Variants in GMPS observed in about 807,000 individuals in gnomAD.
GMPS encodes the protein GMP synthase [glutamine-hydrolyzing].
GMPS carries 15 observed loss-of-function variants against 77.9 expected under a neutral mutation model. That is an observed-to-expected ratio of 0.19 (90% confidence interval 0.13 to 0.30). The LOEUF is 0.30. Among genes scored for constraint, GMPS ranks in the 10% least tolerant of loss-of-function variants. The pLI, the probability that GMPS is intolerant of heterozygous loss-of-function variation, is 1.00. For synonymous variants in GMPS, 224 were observed against 275.9 expected, an observed-to-expected ratio of 0.81 and a Z score of 1.86; for missense variants, 590 against 838.8, an observed-to-expected ratio of 0.70 and a Z score of 3.66.
intron 11 of GMPS, among the ~76,000 whole-genome samples, chr3:155,923,287 T>C (rs1025935605): frequency 6.6e-6 from 1 of 151,918 alleles, no homozygotes; most frequent in African/African-American, 2.4e-5. Flanking sequence ...TATCCAGAAA[T>C]TAGGACAAAT....
chr3:155,892,660 T>C (rs1450819079), intron 1 of GMPS, among the ~76,000 whole-genome samples: 1 of 152,230 alleles, frequency 6.6e-6, no homozygotes, highest in Non-Finnish European at 1.5e-5. Flanking sequence ...AGACAGAATT[T>C]TGCTCTTGTT....
intron 1 of GMPS, among the ~76,000 whole-genome samples, chr3:155,889,260 TGTTA>T (rs1298859372): frequency 6.6e-6 from 1 of 152,152 alleles, no homozygotes; most frequent in African/African-American, 2.4e-5. Context: ...TTTCCTGTCC[TGTTA>T]GTTTTGGTCA....
At chr3:155,880,314 G>A (rs1415715442) in intron 1 of GMPS, among the ~76,000 whole-genome samples, 1 of 152,090 alleles carries the variant, frequency 6.6e-6, no homozygotes, top group Non-Finnish European at 1.5e-5. Context: ...TCTTAGATTT[G>A]GATGATTGTT....
chr3:155,893,021 T>G (rs2108073086), intron 1 of GMPS, among the ~76,000 whole-genome samples: 1 of 152,378 alleles, frequency 6.6e-6, no homozygotes, highest in Middle Eastern at 3.4e-3. Context: ...TAACAGTGAA[T>G]TTGGCCATGC....
intron 8 of GMPS, among the ~76,000 whole-genome samples, chr3:155,915,440 C>T (rs371109430): frequency 2.6e-5 from 4 of 151,812 alleles, no homozygotes; most frequent in East Asian, 3.9e-4. Flanking sequence ...CTCACTCTGC[C>T]GCCCAGGCTG....
intron 1 of GMPS, among the ~76,000 whole-genome samples, chr3:155,878,440 A>G (rs1243495014): frequency 1.3e-5 from 2 of 152,200 alleles, no homozygotes; most frequent in East Asian, 1.9e-4. Flanking sequence ...TCTGAATATT[A>G]TGAATAATGC....
At chr3:155,928,176 G>A (rs950127397) in intron 12 of GMPS, among the ~76,000 whole-genome samples, 2 of 151,732 alleles carry the variant, frequency 1.3e-5, no homozygotes, top group African/African-American at 4.8e-5. Context: ...ACAGGCACAC[G>A]CCGCCATACC....
intron 5 of GMPS, among the ~76,000 whole-genome samples, chr3:155,906,843 GA>G (rs1317809625): frequency 6.6e-6 from 1 of 152,168 alleles, no homozygotes; most frequent in Non-Finnish European, 1.5e-5. Context: ...GTCCTTTGCA[GA>G]AAGTTTGCTG....
intron 4 of GMPS, among the ~76,000 whole-genome samples, chr3:155,904,460 T>C (rs1754821375): frequency 6.6e-6 from 1 of 151,986 alleles, no homozygotes; most frequent in Non-Finnish European, 1.5e-5. Context: ...CGGCTAATTT[T>C]TGTATTTTTA....
rs1327666767 is a variant in GMPS at position 155,914,962 on chromosome 3, G to C, written c.1038+392G>C. Among the ~76,000 whole-genome samples, 5 of 151,300 alleles carry C rather than the reference G, an allele frequency of 3.3e-5. No individual in the cohort carries two copies. The South Asian group carries it at 1.0e-3, about 32-fold the overall frequency. On this transcript the variant is annotated intron_variant, in intron 8 of 15. Coordinates refer to ENST00000496455, the MANE Select transcript of GMPS (RefSeq NM_003875.3). ...TTTTGTACTTTTAGTAGAGACGGGG[G>C]TTTCACCATGTTGGCCAGGTTGGTC...
chr3:155,910,949 G>A, intron 6 of GMPS, 64 bp downstream of exon 6: 6 of 1,216,100 alleles, frequency 4.9e-6, no homozygotes, highest in Non-Finnish European at 7.0e-6. Flanking sequence ...CCAGGAGTTA[G>A]AGTCCTCAAC....
At chr3:155,926,794 G>A (rs1007528004) in intron 12 of GMPS, among the ~76,000 whole-genome samples, 1 of 152,140 alleles carries the variant, frequency 6.6e-6, no homozygotes, top group Non-Finnish European at 1.5e-5. Context: ...GGAGGCTGAG[G>A]CAGGCGGATC....
At chr3:155,895,712 C>T (rs1266573514) in intron 2 of GMPS, among the ~76,000 whole-genome samples, 1 of 152,178 alleles carries the variant, frequency 6.6e-6, no homozygotes, top group East Asian at 1.9e-4. Context: ...TTCAGAATAG[C>T]AGGATAGAAA....
At chr3:155,906,803 T>G (rs980321821) in intron 5 of GMPS, among the ~76,000 whole-genome samples, 1 of 152,188 alleles carries the variant, frequency 6.6e-6, no homozygotes, top group African/African-American at 2.4e-5. Flanking sequence ...ACTGTGTATG[T>G]TGCACAGAGC....
intron 10 of GMPS, among the ~76,000 whole-genome samples, chr3:155,919,956 T>G (rs972743172): frequency 1.4e-4 from 21 of 152,220 alleles, no homozygotes; most frequent in African/African-American, 5.1e-4. Flanking sequence ...CATCAGGTTC[T>G]AGCTCACTGT....
At chr3:155,915,898 G>A in intron 8 of GMPS, 121 bp from the exon 9 acceptor site, 2 of 660,452 alleles carry the variant, frequency 3.0e-6, no homozygotes, top group Non-Finnish European at 5.2e-6. Context: ...TTGGAGATTG[G>A]TGGATTTTAT....
At chr3:155,916,701 G>T (rs1755188274) in intron 9 of GMPS, among the ~76,000 whole-genome samples, 1 of 151,930 alleles carries the variant, frequency 6.6e-6, no homozygotes. Context: ...CCACTTTTTG[G>T]CTGTTATAAG....
At chr3:155,885,506 T>C (rs1754315749) in intron 1 of GMPS, among the ~76,000 whole-genome samples, 1 of 152,112 alleles carries the variant, frequency 6.6e-6, no homozygotes, top group Non-Finnish European at 1.5e-5. Context: ...TGTACATTAT[T>C]GCATCAGGGT....
chr3:155,927,354 T>C (rs1197911100), intron 12 of GMPS, among the ~76,000 whole-genome samples: 2 of 152,240 alleles, frequency 1.3e-5, no homozygotes, highest in African/African-American at 2.4e-5. Flanking sequence ...AGATTTGTTA[T>C]AGAGAACTTC....
Sources: allele counts gnomAD v4.1 joint callset (sites outside exome capture counted in the v4.1 genomes callset), GRCh38; gene constraint gnomAD v4.1.1; transcripts MANE v1.5; gene names NCBI Gene and HGNC (gene_info 2026-07-23, HGNC 2026-07-21).